The following ROR2 variants were observed in gnomAD, a reference collection of about 807,000 sequenced individuals.
The protein encoded by ROR2 is tyrosine-protein kinase transmembrane receptor ROR2.
In ROR2, 33 loss-of-function variants were observed where a neutral mutation model predicts 74.9. The observed-to-expected ratio is 0.44, with a 90% CI of 0.33 to 0.59. ROR2 has a LOEUF of 0.59. Ranked by LOEUF, ROR2 falls within the 20% of genes least tolerant of loss-of-function variation. The pLI is 0.02. For synonymous variants in ROR2, 586 were observed against 558.7 expected (o/e 1.05, Z -0.69); for missense variants, 1,216 against 1,313.8 (o/e 0.93, Z 1.15).
chr9:91,821,396 C>T (rs572612708), intron 1 of ROR2, among the ~76,000 whole-genome samples: 58 of 152,286 alleles, frequency 3.8e-4, no homozygotes, highest in African/African-American at 1.3e-3. Context: ...TAAAAAGCAC[C>T]TCCCCTCCAC....
At chr9:91,903,406 GC>G (rs1007539009) in intron 1 of ROR2, among the ~76,000 whole-genome samples, 6 of 151,988 alleles carry the variant, frequency 3.9e-5, no homozygotes, top group Admixed American at 2.0e-4. Context: ...TACAACACAA[GC>G]CCCCAAAATA....
chr9:91,734,725 G>C (rs1414603740), intron 5 of ROR2, among the ~76,000 whole-genome samples: 1 of 152,202 alleles, frequency 6.6e-6, no homozygotes, highest in Non-Finnish European at 1.5e-5. Context: ...ACTGGGGAAT[G>C]AGAGTGCACA....
At chr9:91,896,328 C>T (rs1325674521) in intron 1 of ROR2, among the ~76,000 whole-genome samples, 2 of 152,182 alleles carry the variant, frequency 1.3e-5, no homozygotes, top group Non-Finnish European at 2.9e-5. Context: ...TTGGTTCCCC[C>T]GCTTCCCCAC....
chr9:91,814,735 C>T (rs1032771474), intron 1 of ROR2, among the ~76,000 whole-genome samples: 1 of 152,192 alleles, frequency 6.6e-6, no homozygotes. Flanking sequence ...AGGGTTCTGC[C>T]TTTCAAGGAT....
intron 1 of ROR2, among the ~76,000 whole-genome samples, chr9:91,783,730 G>T (rs73513233): frequency 7.2e-5 from 11 of 152,186 alleles, no homozygotes; most frequent in Non-Finnish European, 1.2e-4. Flanking sequence ...TGCGAGCCTG[G>T]AGGGCACACC....
chr9:91,872,655 T>C (rs1016090557), intron 1 of ROR2, among the ~76,000 whole-genome samples: 3 of 152,202 alleles, frequency 2.0e-5, no homozygotes, highest in Non-Finnish European at 2.9e-5. Flanking sequence ...CACTGTCGAC[T>C]GCTGAAACAC....
At chr9:91,882,284 G>C (rs1156978231) in intron 1 of ROR2, among the ~76,000 whole-genome samples, 1 of 151,938 alleles carries the variant, frequency 6.6e-6, no homozygotes, top group African/African-American at 2.4e-5. Context: ...GGTGGCGGGT[G>C]CCTGTAATCC....
At chr9:91,898,922 G>A (rs1386865901) in intron 1 of ROR2, among the ~76,000 whole-genome samples, 1 of 152,216 alleles carries the variant, frequency 6.6e-6, no homozygotes, top group East Asian at 1.9e-4. Flanking sequence ...ACTGGAAGAA[G>A]CCTCAGACAC....
chr9:91,878,967 G>A (rs113052411), intron 1 of ROR2, among the ~76,000 whole-genome samples: 2,781 of 152,108 alleles, frequency 0.018, 35 homozygotes, highest in Non-Finnish European at 0.028. Context: ...GCGTGAACCC[G>A]GGAGGCGGAG....
chr9:91,933,817 C>A (rs1831612452), intron 1 of ROR2, among the ~76,000 whole-genome samples: 1 of 151,994 alleles, frequency 6.6e-6, no homozygotes, highest in South Asian at 2.1e-4. Context: ...AGTAGATTAG[C>A]GGTTGCCAGA....
rs1836925653 is a variant in ROR2 at position 91,724,355 on chromosome 9, G to A, written c.2139C>T (p.Cys713=). The change falls in exon 9 of 9, where the codon TGC becomes TGT. Residue 713 remains cysteine (C), a synonymous_variant. Transcript: ENST00000375708. ...EMIRNRQVLP[C]PDDCPAWVYA... The stretch of plus-strand genomic sequence containing the variant: ...ACACCCAGGCGGGACAGTCATCGGG[G>A]CAAGGCAGCACCTGCCGGTTCCGGA... 1 of 1,613,544 alleles carries A rather than the reference G, an allele frequency of 6.2e-7. No homozygotes were observed. Among genetic ancestry groups the A allele is most frequent in the African/African-American group, 1.3e-5 (1 of 74,936 alleles).
intron 1 of ROR2, among the ~76,000 whole-genome samples, chr9:91,836,539 C>CAAAAAAAAAAAAA (rs753563302): frequency 4.9e-5 from 5 of 102,484 alleles, no homozygotes; most frequent in African/African-American, 1.3e-4. Context: ...GATTCCATCT[C>CAAAAAAAAAAAAA]AAAAAAAAAA....
intron 2 of ROR2, among the ~76,000 whole-genome samples, chr9:91,768,685 G>A (rs1826133952): frequency 1.3e-5 from 2 of 152,184 alleles, no homozygotes; most frequent in African/African-American, 4.8e-5. Flanking sequence ...GGGAAGGTTC[G>A]GAGGCAGAAA....
Position 91,730,959 on chromosome 9 carries a change from A to G in ROR2, c.1134T>C (p.Phe378=), listed in dbSNP as rs1247172382. ...CCATGCGTACGTTTTTATTCTGCGTAAAGCACCAGGGGCCCTCCATCTGGC... is the reference window on the plus strand; with the variant it reads ...CCATGCGTACGTTTTTATTCTGCGTGAAGCACCAGGGGCCCTCCATCTGGC... The part of the protein sequence containing the change: ...PGGQMEGPWC[F]TQNKNVRMEL... The change falls in exon 7 of 9, where the codon TTT becomes TTC. Residue 378 remains phenylalanine (F), a synonymous_variant. Coordinates refer to ENST00000375708, the MANE Select transcript of ROR2 (RefSeq NM_004560.4). The G allele has an allele frequency of 6.2e-7, 1 of 1,614,166 alleles. No homozygotes were observed. The highest frequency in any genetic ancestry group is 8.5e-7 in the Non-Finnish European group (1 of 1,180,034).
At chr9:91,854,136 A>G (rs1035073969) in intron 1 of ROR2, among the ~76,000 whole-genome samples, 16 of 152,190 alleles carry the variant, frequency 1.1e-4, no homozygotes, top group Non-Finnish European at 2.1e-4. Context: ...CCTACGTCTC[A>G]GAGCTGCCCA....
At chr9:91,909,208 CAA>C in intron 1 of ROR2, among the ~76,000 whole-genome samples, 2 of 152,336 alleles carry the variant, frequency 1.3e-5, no homozygotes, top group Middle Eastern at 3.4e-3. Context: ...CCCAGGGTAA[CAA>C]GAGTCAAATG....
chr9:91,751,520 G>A (rs1825594969), intron 4 of ROR2, among the ~76,000 whole-genome samples: 3 of 152,082 alleles, frequency 2.0e-5, no homozygotes, highest in Non-Finnish European at 4.4e-5. Flanking sequence ...AAAAGGGACT[G>A]TAAAAAGAAA....
At chr9:91,818,802 C>G (rs1207502381) in intron 1 of ROR2, among the ~76,000 whole-genome samples, 1 of 152,132 alleles carries the variant, frequency 6.6e-6, no homozygotes, top group Admixed American at 6.5e-5. Context: ...CAGCCTTGGG[C>G]AGCCTCACCT....
At chr9:91,777,411 CAT>C (rs67523874) in intron 1 of ROR2, among the ~76,000 whole-genome samples, 13,269 of 150,312 alleles carry the variant, frequency 0.088, 658 homozygotes, top group Middle Eastern at 0.14. Context: ...ACACACACCC[CAT>C]CATCATCATC....
Sources: gnomAD v4.1 joint callset for allele counts (sites outside exome capture counted in the v4.1 genomes callset) on GRCh38, gnomAD v4.1.1 for gene constraint, MANE v1.5 for transcripts, NCBI Gene and HGNC (gene_info 2026-07-23, HGNC 2026-07-21) for gene names.